Variants in MITF observed in about 807,000 individuals in gnomAD.
MITF encodes microphthalmia-associated transcription factor.
A neutral mutation model predicts 60.5 loss-of-function variants in MITF; 17 were observed. The observed-to-expected ratio is 0.28, with a 90% CI of 0.19 to 0.42. The LOEUF is 0.42. MITF is among the 10% of genes least tolerant of loss of function. The pLI is 1.00. For missense variants in MITF, 622 were observed against 683.5 expected, an observed-to-expected ratio of 0.91 and a Z score of 1.00; for synonymous variants, 260 against 248.5, an observed-to-expected ratio of 1.05 and a Z score of -0.43.
chr3:69,963,623 A>G (rs925407196), intron 9 of MITF, among the ~76,000 whole-genome samples: 7 of 152,172 alleles, frequency 4.6e-5, no homozygotes, highest in African/African-American at 1.7e-4. Context: ...ACGACTTCTA[A>G]AGTCTTGGAA....
At chr3:69,927,944 T>C (rs2065631236) in intron 2 of MITF, among the ~76,000 whole-genome samples, 1 of 152,264 alleles carries the variant, frequency 6.6e-6, no homozygotes, top group Non-Finnish European at 1.5e-5. Flanking sequence ...TAGAAATTAA[T>C]GGCTGAAAAA....
At chr3:69,798,721 A>G (rs2062870113) in intron 1 of MITF, among the ~76,000 whole-genome samples, 1 of 152,176 alleles carries the variant, frequency 6.6e-6, no homozygotes, top group Non-Finnish European at 1.5e-5. Context: ...GCCTCCCCAT[A>G]GTGCTTTAGC....
In MITF at chr3:69,939,018, C is replaced by T. The variant is rs145314833; in HGVS notation, c.583-80C>T. The T allele has an allele frequency of 1.5e-5, 24 of 1,569,718 alleles. No individual in the cohort carries two copies. In the East Asian group the frequency reaches 3.0e-4, roughly 20 times the overall value. On this transcript the variant is annotated intron_variant, in intron 3 of 9. Coordinates refer to ENST00000352241, the MANE Select transcript of MITF (RefSeq NM_001354604.2). ...AGCTTAGTTCATCTTGTTGCTGTGC[C>T]ATCAGCTTTGTGTGAACAGGTCATT...
At chr3:69,745,650 G>A (rs1477361534) in intron 1 of MITF, among the ~76,000 whole-genome samples, 4 of 152,118 alleles carry the variant, frequency 2.6e-5, no homozygotes, top group African/African-American at 9.7e-5. Flanking sequence ...GCTCTTTCTT[G>A]TGGTCTCCAG....
intron 1 of MITF, chr3:69,752,130 A>G (rs2106772044): frequency 6.6e-6 from 1 of 152,270 alleles, no homozygotes; most frequent in South Asian, 2.1e-4. Flanking sequence ...AGCCCATGGA[A>G]CCATGAGTGA....
At chr3:69,774,694 C>G (rs562393375) in intron 1 of MITF, among the ~76,000 whole-genome samples, 2 of 152,258 alleles carry the variant, frequency 1.3e-5, no homozygotes, top group South Asian at 4.1e-4. Context: ...AGACTTTCCC[C>G]TTCAACTGAG....
At chr3:69,759,799 A>G (rs895098322) in intron 1 of MITF, among the ~76,000 whole-genome samples, 4 of 151,714 alleles carry the variant, frequency 2.6e-5, no homozygotes, top group Admixed American at 6.6e-5. Flanking sequence ...TTTTTTTGAG[A>G]CAAAGTCTCG....
intron 1 of MITF, among the ~76,000 whole-genome samples, chr3:69,866,902 A>T (rs1384904135): frequency 7.1e-6 from 1 of 141,596 alleles, no homozygotes; most frequent in Non-Finnish European, 1.5e-5. Flanking sequence ...GCATTCTTGT[A>T]TATTGATTTT....
At chr3:69,763,623 T>G in intron 1 of MITF, 1 of 1,219,716 alleles carries the variant, frequency 8.2e-7, no homozygotes, top group South Asian at 1.9e-5. Flanking sequence ...CAATCGCATC[T>G]TTGTAATAAT....
chr3:69,827,842 T>C (rs1352431115), intron 1 of MITF, among the ~76,000 whole-genome samples: 1 of 152,136 alleles, frequency 6.6e-6, no homozygotes, highest in Non-Finnish European at 1.5e-5. Context: ...CCCTGATGAC[T>C]TCCTGTTTCT....
At chr3:69,846,769 A>T (rs2063739648) in intron 1 of MITF, among the ~76,000 whole-genome samples, 1 of 145,474 alleles carries the variant, frequency 6.9e-6, no homozygotes, top group Admixed American at 7.1e-5. Flanking sequence ...GTGAGCCAAG[A>T]GTGTGCCACT....
chr3:69,786,521 G>T (rs1215832405), intron 1 of MITF, among the ~76,000 whole-genome samples: 3 of 152,034 alleles, frequency 2.0e-5, no homozygotes, highest in African/African-American at 7.2e-5. Context: ...AATACCCTTA[G>T]CTTACTCAGG....
At chr3:69,823,893 T>C (rs1575770089) in intron 1 of MITF, among the ~76,000 whole-genome samples, 1 of 152,208 alleles carries the variant, frequency 6.6e-6, no homozygotes, top group Non-Finnish European at 1.5e-5. Context: ...GTAGCCTGTG[T>C]TTTGGTTAGC....
chr3:69,922,852 A>T (rs1575970469), intron 2 of MITF, among the ~76,000 whole-genome samples: 1 of 152,320 alleles, frequency 6.6e-6, no homozygotes, highest in South Asian at 2.1e-4. Flanking sequence ...AAAGAAAGAA[A>T]CAAACCCTCA....
chr3:69,804,651 G>A (rs933750831), intron 1 of MITF, among the ~76,000 whole-genome samples: 1 of 152,192 alleles, frequency 6.6e-6, no homozygotes, highest in Non-Finnish European at 1.5e-5. Flanking sequence ...TTTGTGATAT[G>A]AGAGCAAGTG....
At chr3:69,750,494 A>T (rs1703897036) in intron 1 of MITF, among the ~76,000 whole-genome samples, 1 of 147,054 alleles carries the variant, frequency 6.8e-6, no homozygotes. Context: ...TTTTTAACTA[A>T]ATGTATTCTG....
chr3:69,763,814 A>G (rs1482983332), intron 1 of MITF: 2 of 1,364,868 alleles, frequency 1.5e-6, no homozygotes, highest in Non-Finnish European at 2.0e-6. Flanking sequence ...GGGAATTCAG[A>G]CCTATTCCGC....
intron 1 of MITF, among the ~76,000 whole-genome samples, chr3:69,828,424 T>C (rs527477458): frequency 6.6e-6 from 1 of 152,240 alleles, no homozygotes; most frequent in South Asian, 2.1e-4. Flanking sequence ...ATTTAGCTTG[T>C]ATAGGATGAT....
chr3:69,956,380 A>G (rs924229197), intron 7 of MITF, 75 bp from the exon 8 acceptor site: 5 of 1,169,324 alleles, frequency 4.3e-6, no homozygotes, highest in South Asian at 1.2e-5. Context: ...TAATATGCAC[A>G]TGCCTTTAAT....
Sources: allele counts gnomAD v4.1 joint callset (sites outside exome capture counted in the v4.1 genomes callset), GRCh38; gene constraint gnomAD v4.1.1; transcripts MANE v1.5; gene names NCBI Gene and HGNC (gene_info 2026-07-23, HGNC 2026-07-21).